The following LIMK1 variants were observed in gnomAD, a reference collection of about 807,000 sequenced individuals.
The protein encoded by LIMK1 is LIM motif-containing protein kinase.
Under a neutral mutation model 77.6 loss-of-function variants are expected in LIMK1, and 21 were observed. The observed-to-expected ratio is 0.27, with a 90% CI of 0.19 to 0.39. LIMK1 has a LOEUF of 0.39. Ranked by LOEUF, LIMK1 falls within the 10% of genes least tolerant of loss-of-function variation. LIMK1 has a pLI of 1.00. For missense variants in LIMK1, 696 were observed against 901.6 expected, an observed-to-expected ratio of 0.77 and a Z score of 2.92; for synonymous variants, 358 against 370.0, an observed-to-expected ratio of 0.97 and a Z score of 0.37.
At chr7:74,107,388 C>T (rs1012574008) in intron 8 of LIMK1, among the ~76,000 whole-genome samples, 195 bp downstream of exon 8, 10 of 152,108 alleles carry the variant, frequency 6.6e-5, no homozygotes, top group East Asian at 1.9e-4. Flanking sequence ...ACCTTATGTG[C>T]GGGAGGTCAT....
At chr7:74,120,726 C>A in intron 14 of LIMK1, 88 bp downstream of exon 14, 1 of 1,558,836 alleles carries the variant, frequency 6.4e-7, no homozygotes, top group African/African-American at 1.4e-5. Flanking sequence ...GCAGGGGCCT[C>A]ATGCCAGGAA....
chr7:74,115,753 G>C, intron 12 of LIMK1, 49 bp from the exon 13 acceptor site: 1 of 1,593,022 alleles, frequency 6.3e-7, no homozygotes, highest in Non-Finnish European at 8.6e-7. Context: ...CAGGCCAAGC[G>C]GGCAGTACTA....
chr7:74,097,076 C>T lies in LIMK1; in HGVS notation c.292-4C>T, dbSNP rs1554695762. 1.2e-6 allele frequency: 2 copies of T among 1,606,004 alleles called. No individual in the cohort carries two copies. The highest frequency in any genetic ancestry group is 2.2e-5 in the East Asian group (1 of 44,848). ...GGGCTGTTCCCTCCTCACCCCCGCACCAGGTGGCTGGGGAGCTGAAGTACC... is the reference window on the plus strand; with the variant it reads ...GGGCTGTTCCCTCCTCACCCCCGCATCAGGTGGCTGGGGAGCTGAAGTACC... On this transcript the variant is annotated splice_region_variant and splice_polypyrimidine_tract_variant and intron_variant, in intron 3 of 15. Transcript: ENST00000336180.
intron 2 of LIMK1, among the ~76,000 whole-genome samples, chr7:74,094,573 G>A (rs564864167): frequency 3.9e-4 from 59 of 152,330 alleles, no homozygotes; most frequent in Admixed American, 3.6e-3. Flanking sequence ...GGCAGGAAGC[G>A]AGTCATTGGT....
At chr7:74,093,292 A>G (rs1799274543) in intron 2 of LIMK1, 5 of 1,535,924 alleles carry the variant, frequency 3.3e-6, no homozygotes, top group Non-Finnish European at 4.4e-6. Context: ...CTTCCTCCAG[A>G]GGGCTAAGTA....
intron 12 of LIMK1, among the ~76,000 whole-genome samples, chr7:74,112,957 C>A (rs1279062091): frequency 6.6e-6 from 1 of 152,098 alleles, no homozygotes; most frequent in Non-Finnish European, 1.5e-5. Context: ...TAACCATGCC[C>A]ATCTGGAGAG....
At chr7:74,105,574 G>A (rs1285633381) in intron 5 of LIMK1, among the ~76,000 whole-genome samples, 1 of 151,538 alleles carries the variant, frequency 6.6e-6, no homozygotes, top group East Asian at 1.9e-4. Context: ...GGATAGATCT[G>A]TTCCCCCAGG....
intron 2 of LIMK1, among the ~76,000 whole-genome samples, chr7:74,086,045 T>C (rs542781130): frequency 6.6e-6 from 1 of 152,218 alleles, no homozygotes; most frequent in Non-Finnish European, 1.5e-5. Context: ...ATTTTATTTA[T>C]CTATTTTTTT....
chr7:74,101,046 G>C (rs1409287623), intron 5 of LIMK1, among the ~76,000 whole-genome samples: 1 of 152,086 alleles, frequency 6.6e-6, no homozygotes, highest in African/African-American at 2.4e-5. Context: ...CCTACCAAGT[G>C]CTAGCTTTCA....
At chr7:74,104,302 G>T (rs1308857472) in intron 5 of LIMK1, among the ~76,000 whole-genome samples, 1 of 151,902 alleles carries the variant, frequency 6.6e-6, no homozygotes, top group African/African-American at 2.4e-5. Flanking sequence ...CAGGACCTAG[G>T]GCAGAGACAA....
chr7:74,118,245 C>T (rs1799856892), intron 13 of LIMK1, among the ~76,000 whole-genome samples: 1 of 151,366 alleles, frequency 6.6e-6, no homozygotes, highest in Non-Finnish European at 1.5e-5. Flanking sequence ...GGCGTGGTTG[C>T]ACGCGTCTGT....
intron 5 of LIMK1, among the ~76,000 whole-genome samples, chr7:74,100,503 A>G (rs1554696379): frequency 6.6e-6 from 1 of 151,740 alleles, no homozygotes; most frequent in African/African-American, 2.4e-5. Flanking sequence ...GCTCACTGCA[A>G]CCTCCACCCA....
At chr7:74,093,464 T>C (rs1554695094) in intron 2 of LIMK1, among the ~76,000 whole-genome samples, 1 of 152,182 alleles carries the variant, frequency 6.6e-6, no homozygotes, top group African/African-American at 2.4e-5. Context: ...GCCAAAGCTG[T>C]GGGTCCTTCC....
chr7:74,106,903 A>G (rs781931627), intron 7 of LIMK1, 107 bp from the exon 8 acceptor site: 5 of 1,133,884 alleles, frequency 4.4e-6, no homozygotes, highest in Non-Finnish European at 6.1e-6. Context: ...GGGTGATTGC[A>G]TAGACTGGCA....
intron 4 of LIMK1, among the ~76,000 whole-genome samples, chr7:74,098,494 G>C (rs781915086): frequency 6.6e-6 from 1 of 152,162 alleles, no homozygotes; most frequent in Non-Finnish European, 1.5e-5. Flanking sequence ...TGACTCAGAG[G>C]GACGAGGGCT....
At chr7:74,105,746 G>C (rs2115701919) in intron 5 of LIMK1, 129 bp from the exon 6 acceptor site, 1 of 631,382 alleles carries the variant, frequency 1.6e-6, no homozygotes, top group African/African-American at 1.8e-5. Flanking sequence ...CTGGCCATCT[G>C]CTACTTCCCA....
chr7:74,121,229 G>A lies in LIMK1; in HGVS notation c.1872G>A (p.Leu624=), dbSNP rs782237765. ...CACTGGGCCCACAGCTGGAGCAGCT[G>A]GACAGAGGTTTCTGGGAGACCTACC... ...HLPLGPQLEQ[L]DRGFWETYRR... is the part of the protein sequence containing the mutation. The change falls in exon 16 of 16, where the codon CTG becomes CTA. Residue 624 remains leucine (L), a synonymous_variant. Transcript: ENST00000336180. The A allele has an allele frequency of 6.2e-7, 1 of 1,613,788 alleles. No individual in the cohort carries two copies. The highest frequency in any genetic ancestry group is 8.5e-7 in the Non-Finnish European group (1 of 1,179,960).
At chr7:74,120,084 C>G (rs1799899880) in intron 13 of LIMK1, among the ~76,000 whole-genome samples, 2 of 152,206 alleles carry the variant, frequency 1.3e-5, no homozygotes, top group African/African-American at 4.8e-5. Context: ...CAGTCTCCAC[C>G]CCTGTCTTCA....
In LIMK1 at chr7:74,119,339, T is replaced by C. The variant is rs782734235; in HGVS notation, c.1568-1244T>C. Among the ~76,000 whole-genome samples, 63 of 151,096 alleles carry C rather than the reference T, an allele frequency of 4.2e-4. 1 individual carries two copies. Among genetic ancestry groups the C allele is most frequent in the Non-Finnish European group, 6.5e-4 (44 of 67,792 alleles). On this transcript the variant is annotated intron_variant, in intron 13 of 15. Coordinates refer to ENST00000336180, the MANE Select transcript of LIMK1 (RefSeq NM_002314.4). Reference sequence around the variant, plus strand: ...GATTACAGGCACCTGCCACCATGCCTGGCTAATTTTTCTATTTTTAGTAGA... The same window carrying C: ...GATTACAGGCACCTGCCACCATGCCCGGCTAATTTTTCTATTTTTAGTAGA...
Sources: gnomAD v4.1 joint callset for allele counts (sites outside exome capture counted in the v4.1 genomes callset) on GRCh38, gnomAD v4.1.1 for gene constraint, MANE v1.5 for transcripts, NCBI Gene and HGNC (gene_info 2026-07-23, HGNC 2026-07-21) for gene names.